POU2F2: variants seen among roughly 807,000 people sequenced by gnomAD.
The protein encoded by POU2F2 is POU class 2 homeobox 2.
Under a neutral mutation model 63.5 loss-of-function variants are expected in POU2F2, and 14 were observed. The observed-to-expected ratio is 0.22, with a 90% CI of 0.15 to 0.34. The LOEUF is 0.34. POU2F2 is among the 10% of genes least tolerant of loss of function. The pLI is 1.00. For missense variants in POU2F2, 607 were observed against 815.2 expected (o/e 0.74, Z 3.11); for synonymous variants, 306 against 348.6 (o/e 0.88, Z 1.36).
At chr19:42,116,910 A>G (rs1389688197) in intron 5 of POU2F2, 3 of 516,170 alleles carry the variant, frequency 5.8e-6, no homozygotes, top group Non-Finnish European at 1.1e-5. Context: ...CGTTAGCGGC[A>G]GCGGCGGCAC....
rs2034461257 is a variant in POU2F2 at position 42,156,629 on chromosome 19, G to A, written c.-9+3703C>T. 1 of 152,378 alleles carries A rather than the reference G, an allele frequency of 6.6e-6. No individual in the cohort carries two copies. Among genetic ancestry groups the A allele is most frequent in the African/African-American group, 2.4e-5 (1 of 41,462 alleles). The allele number at this position is 152,378 out of a possible 1,614,324, so 9.4% of individuals were successfully genotyped here. ...CTATTCCACTAGCCAAAGCCCCCAG[G>A]GGTGTAATTCAGAAGGAGGCAGACT... On this transcript the variant is annotated intron_variant, in intron 2 of 6. Transcript: ENST00000524801. The surrounding 1 kb of genome is among the most constrained non-coding windows in gnomAD (Gnocchi z 4.1).
intron 2 of POU2F2, among the ~76,000 whole-genome samples, chr19:42,146,576 G>A (rs912788863): frequency 1.2e-4 from 18 of 152,138 alleles, no homozygotes; most frequent in African/African-American, 4.3e-4. Context: ...AGCTGTGAGG[G>A]GAGCCAACAC....
intron 1 of POU2F2, among the ~76,000 whole-genome samples, chr19:42,127,689 T>C (rs1230495116): frequency 6.6e-6 from 1 of 152,126 alleles, no homozygotes; most frequent in Admixed American, 6.5e-5. Context: ...CCATAAGCTC[T>C]GTTTTCTATG....
chr19:42,100,174 C>A (rs1280841908), intron 5 of POU2F2, among the ~76,000 whole-genome samples: 1 of 124,106 alleles, frequency 8.1e-6, no homozygotes, highest in Admixed American at 1.0e-4. Flanking sequence ...TCACTGAAAT[C>A]TCCGCCTCCT....
At chr19:42,131,561 A>C (rs2033730590) in intron 1 of POU2F2, among the ~76,000 whole-genome samples, 1 of 152,234 alleles carries the variant, frequency 6.6e-6, no homozygotes, top group Admixed American at 6.5e-5. Context: ...AGCCATCACC[A>C]TACAGACATA....
chr19:42,154,104 G>A (rs189481143), intron 2 of POU2F2, among the ~76,000 whole-genome samples: 6 of 45,874 alleles, frequency 1.3e-4, no homozygotes, highest in African/African-American at 4.0e-4. Context: ...CGCTCCCCCC[G>A]CCCTCCCCCC....
intron 11 of POU2F2, among the ~76,000 whole-genome samples, chr19:42,094,940 G>A (rs1165000557): frequency 2.0e-5 from 3 of 152,142 alleles, no homozygotes; most frequent in African/African-American, 7.2e-5. Flanking sequence ...TTCCCCGAAC[G>A]GCAAATAAGT....
intron 2 of POU2F2, among the ~76,000 whole-genome samples, chr19:42,147,701 A>T (rs1355359769): frequency 6.6e-6 from 1 of 152,202 alleles, no homozygotes; most frequent in Admixed American, 6.5e-5. Context: ...AATCAAGATA[A>T]TAATTCCTCC....
Position 42,099,707 on chromosome 19 carries a change from G to C in POU2F2, c.475+9C>G, listed in dbSNP as rs373594423. 3 of 1,597,746 alleles carry C rather than the reference G, an allele frequency of 1.9e-6. No individual in the cohort carries two copies. The African/African-American group carries it at 4.0e-5, about 21-fold the overall frequency. On this transcript the variant is annotated intron_variant, in intron 6 of 14. Transcript: ENST00000692977. ...GCGTCAGGGAGGCCATCTGGGGTGG[G>C]GGCCTTACCTGGCTGGCTCTGCTGG... is the stretch of plus-strand genomic sequence containing the variant.
chr19:42,178,362 C>T (rs544525869), upstream of POU2F2, among the ~76,000 whole-genome samples: 6 of 151,942 alleles, frequency 3.9e-5, no homozygotes, highest in Non-Finnish European at 7.4e-5. Context: ...GACAGAGACA[C>T]AGAAATAAGA....
intron 2 of POU2F2, among the ~76,000 whole-genome samples, chr19:42,142,573 T>G (rs1385389837): frequency 2.0e-5 from 3 of 151,818 alleles, no homozygotes; most frequent in Admixed American, 6.6e-5. Context: ...GTTTTTGTTT[T>G]TGTTTTTGAG....
Position 42,154,000 on chromosome 19 carries a change from G to T in POU2F2, c.-9+6332C>A, listed in dbSNP as rs2034407411. Among the ~76,000 whole-genome samples, 1 of 151,660 alleles carries T rather than the reference G, an allele frequency of 6.6e-6. No homozygotes were observed. Among genetic ancestry groups the T allele is most frequent in the African/African-American group, 2.4e-5 (1 of 41,260 alleles). ...GTCCCTCCCCCGGCACCTTGGGCAG[G>T]CTGTACCTCTGCTCCTCAACACCCC... On this transcript the variant is annotated intron_variant, in intron 2 of 6. Coordinates refer to the POU2F2 transcript ENST00000524801. This position sits in a 1 kb window ranked among gnomAD's most constrained non-coding sequence, Gnocchi z 5.6.
upstream of POU2F2, among the ~76,000 whole-genome samples, chr19:42,197,799 G>A (rs1351698972): frequency 6.6e-6 from 1 of 152,144 alleles, no homozygotes; most frequent in South Asian, 2.1e-4. Context: ...GAGAACCTCT[G>A]GCTGCCTATC....
Position 42,086,538 on chromosome 19 carries a change from G to C in POU2F2, c.*4719C>G. ...CGCCAATCAGGTCTTTACCAAGTAG[G>C]GTGGTCACCTTGCCCTAGTGCAGCC... On this transcript the variant is annotated 3_prime_UTR_variant, in exon 15 of 15. Coordinates refer to ENST00000692977, the MANE Select transcript of POU2F2 (RefSeq NM_001394376.1). 1 of 152,190 alleles carries C rather than the reference G, an allele frequency of 6.6e-6. No homozygotes were observed. Among genetic ancestry groups the C allele is most frequent in the East Asian group, 1.9e-4 (1 of 5,184 alleles). 9.4% of individuals were successfully genotyped at this position (152,190 alleles called of 1,614,324 possible). A position where few individuals can be genotyped will look rare whatever the true frequency, so the allele number is the denominator to read the frequency against.
At chr19:42,184,230 G>A (rs1465684303) in intron 1 of POU2F2, among the ~76,000 whole-genome samples, 3 of 152,086 alleles carry the variant, frequency 2.0e-5, no homozygotes, top group Non-Finnish European at 2.9e-5. Context: ...CGGCTTAAGC[G>A]ATCTACTGGC....
In POU2F2 at chr19:42,152,513, C is replaced by CGGCT. The variant is rs2034373846; in HGVS notation, c.-9+7815_-9+7818dup. On this transcript the variant is annotated intron_variant, in intron 2 of 6. Transcript: ENST00000524801. The surrounding 1 kb of genome is among the most constrained non-coding windows in gnomAD (Gnocchi z 4.1). ...GATCAATACGGCAGGGATATAAAGC[C>CGGCT]GGCTGGCTGGCTGCCTGCCTCTGCC... 1 of 152,364 alleles carries CGGCT rather than the reference C, an allele frequency of 6.6e-6. No homozygotes were observed. Among genetic ancestry groups the CGGCT allele is most frequent in the Non-Finnish European group, 1.5e-5 (1 of 68,258 alleles). 9.4% of individuals were successfully genotyped at this position (152,364 alleles called of 1,614,324 possible).
chr19:42,117,309 G>C lies in POU2F2; in HGVS notation c.310C>G (p.Pro104Ala). ...GCCTGGGGCAGATGAGGCTGGGCCG[G>C]CTGAGGGGGCAGGGGTGCTGCTGGG... ...SAPAAPLPPQ[P>A]AQPHLPQAQL... is the part of the protein sequence containing the mutation. The change falls in exon 5 of 15, where the codon CCG becomes GCG. Residue 104 changes from proline to alanine, a missense_variant. By Grantham distance (27) the Pro-to-Ala change is conservative (BLOSUM62 -1). Coordinates refer to ENST00000692977, the MANE Select transcript of POU2F2 (RefSeq NM_001394376.1). The surrounding 1 kb of genome is among the most constrained non-coding windows in gnomAD (Gnocchi z 4.4). The C allele has an allele frequency of 6.6e-7, 1 of 1,519,566 alleles. No individual in the cohort carries two copies. The highest frequency in any genetic ancestry group is 8.7e-7 in the Non-Finnish European group (1 of 1,143,930). 94.1% of individuals were successfully genotyped at this position (1,519,566 alleles called of 1,614,324 possible). A position where few individuals can be genotyped will look rare whatever the true frequency, so the allele number is the denominator to read the frequency against.
intron 4 of POU2F2, among the ~76,000 whole-genome samples, chr19:42,119,424 A>G (rs1004594849): frequency 2.6e-5 from 4 of 152,236 alleles, no homozygotes; most frequent in Non-Finnish European, 5.9e-5. Context: ...CCTTAATCCC[A>G]GCACTTTGGG....
intron 5 of POU2F2, among the ~76,000 whole-genome samples, chr19:42,112,380 AT>A (rs1398861597): frequency 6.6e-6 from 1 of 151,788 alleles, no homozygotes; most frequent in Non-Finnish European, 1.5e-5. Flanking sequence ...TTGTTTGTTT[AT>A]TTTATTGAGA....
Sources: gnomAD v4.1 joint callset for allele counts (sites outside exome capture counted in the v4.1 genomes callset) on GRCh38, gnomAD v4.1.1 for gene constraint, Gnocchi (gnomAD v3.1) non-coding constraint, MANE v1.5 for transcripts, NCBI Gene and HGNC (gene_info 2026-07-23, HGNC 2026-07-21) for gene names.